The following FAM216B variants were observed in gnomAD, a reference collection of about 807,000 sequenced individuals.
FAM216B encodes the protein family with sequence similarity 216 member B, also known as protein FAM216B.
FAM216B carries 11 observed loss-of-function variants against 12.9 expected under a neutral mutation model. That is an observed-to-expected ratio of 0.86 (90% CI 0.54 to 1.42). The LOEUF is 1.42. Ranked by LOEUF, FAM216B falls within the 40% of genes most tolerant of loss-of-function variation. The pLI is 0.00. For synonymous variants in FAM216B, 52 were observed against 57.2 expected (o/e 0.91, Z 0.41); for missense variants, 167 against 162.9 (o/e 1.02, Z -0.14).
intron 3 of FAM216B, 101 bp downstream of exon 3, chr13:42,786,984 A>T: frequency 6.6e-7 from 1 of 1,523,318 alleles, no homozygotes; most frequent in Non-Finnish European, 8.9e-7. Flanking sequence ...AATGGCATCT[A>T]CTGGCGTGCT....
rs981291505 is a variant in FAM216B at position 42,791,109 on chromosome 13, A to T, written c.*2319A>T. 1.3e-5 allele frequency: 2 copies of T among 152,220 alleles called. No individual in the cohort carries two copies. The highest frequency in any genetic ancestry group is 1.3e-4 in the Admixed American group (2 of 15,276). The allele number at this position is 152,220 out of a possible 1,614,324, so 9.4% of individuals were successfully genotyped here. ...ACAAGTTGGTCTATTTTTTATTACC[A>T]CCATGAGCCAGCAATTCTAAATAAT... On this transcript the variant is annotated 3_prime_UTR_variant, in exon 4 of 4. Coordinates refer to ENST00000313851, the MANE Select transcript of FAM216B (RefSeq NM_001318932.2).
intron 2 of FAM216B, among the ~76,000 whole-genome samples, chr13:42,784,439 G>A (rs1873988333): frequency 6.6e-6 from 1 of 151,698 alleles, no homozygotes; most frequent in South Asian, 2.1e-4. Context: ...TCACTAATTG[G>A]CCACACTATG....
intron 2 of FAM216B, among the ~76,000 whole-genome samples, chr13:42,784,519 T>C (rs1873992042): frequency 6.6e-6 from 1 of 151,806 alleles, no homozygotes; most frequent in Non-Finnish European, 1.5e-5. Flanking sequence ...AAATACGCTG[T>C]AAAAATTTCA....
chr13:42,786,426 C>G (rs1234576186), intron 2 of FAM216B, among the ~76,000 whole-genome samples: 1 of 152,196 alleles, frequency 6.6e-6, no homozygotes, highest in African/African-American at 2.4e-5. Flanking sequence ...TGGCATACTT[C>G]AGCTCTGTGT....
chr13:42,785,320 T>G (rs1874043854), intron 2 of FAM216B, among the ~76,000 whole-genome samples: 1 of 152,158 alleles, frequency 6.6e-6, no homozygotes, highest in Non-Finnish European at 1.5e-5. Flanking sequence ...AAACACTAAC[T>G]CACAGATTTC....
At chr13:42,785,500 T>C (rs1874050305) in intron 2 of FAM216B, among the ~76,000 whole-genome samples, 1 of 152,254 alleles carries the variant, frequency 6.6e-6, no homozygotes, top group African/African-American at 2.4e-5. Context: ...TTTTCTAAAA[T>C]GTTGATGCCA....
chr13:42,783,429 T>C (rs1873935361), intron 1 of FAM216B, among the ~76,000 whole-genome samples: 1 of 152,194 alleles, frequency 6.6e-6, no homozygotes, highest in Non-Finnish European at 1.5e-5. Flanking sequence ...AGAAGTGTTT[T>C]GAATTCCAGA....
At chr13:42,784,418 T>C (rs1004304679) in intron 2 of FAM216B, among the ~76,000 whole-genome samples, 2 of 152,002 alleles carry the variant, frequency 1.3e-5, no homozygotes, top group African/African-American at 4.8e-5. Context: ...CCACTGTCAG[T>C]GATGGGAAAC....
chr13:42,787,420 G>A (rs138365518), intron 3 of FAM216B, among the ~76,000 whole-genome samples: 9 of 152,296 alleles, frequency 5.9e-5, no homozygotes, highest in Non-Finnish European at 1.2e-4. Flanking sequence ...AGGACTTCAA[G>A]CCAGAGCTGT....
intron 2 of FAM216B, 90 bp downstream of exon 2, chr13:42,784,256 T>C (rs1035310467): frequency 3.3e-6 from 3 of 895,886 alleles, no homozygotes. Flanking sequence ...GCTGTCTTTG[T>C]TTACCTAGCA....
At chr13:42,785,604 AAT>A in intron 2 of FAM216B, among the ~76,000 whole-genome samples, 2 of 152,346 alleles carry the variant, frequency 1.3e-5, no homozygotes, top group Admixed American at 1.3e-4. Context: ...AATACATGCA[AAT>A]GCAAAATGTT....
chr13:42,786,824 C>A lies in FAM216B; in HGVS notation c.161C>A (p.Pro54His), dbSNP rs762345009. Residue 54 changes from proline to histidine, a missense_variant, in exon 3 of 4, where the codon CCC becomes CAC. Pro to His is a moderately conservative substitution (Grantham distance 77, BLOSUM62 -2). Transcript: ENST00000313851. ...YSIMRIYNSR[P>H]QWEALQTRYI... ...ATTATGAGGATTTACAACTCCAGGC[C>A]CCAGTGGGAGGCCCTGCAGACCCGC... 2 of 1,614,014 alleles carry A rather than the reference C, an allele frequency of 1.2e-6. No individual in the cohort carries two copies. Among genetic ancestry groups the A allele is most frequent in the Non-Finnish European group, 1.7e-6 (2 of 1,179,946 alleles).
At chr13:42,782,471 T>C (rs1318311410) in intron 1 of FAM216B, among the ~76,000 whole-genome samples, 3 of 152,226 alleles carry the variant, frequency 2.0e-5, no homozygotes, top group African/African-American at 7.2e-5. Flanking sequence ...TCTATTACAG[T>C]TTATTTTCTT....
intron 3 of FAM216B, 149 bp downstream of exon 3, chr13:42,787,032 G>A: frequency 8.1e-7 from 1 of 1,235,144 alleles, no homozygotes; most frequent in Non-Finnish European, 1.1e-6. Context: ...GTTTCAAAGT[G>A]CTTATTCTTG....
Position 42,784,173 on chromosome 13 carries a change from CTTTTTTT to C in FAM216B, c.99+21_99+27del, listed in dbSNP as rs71202236. On this transcript the variant is annotated splice_region_variant and intron_variant, in intron 2 of 3. Transcript: ENST00000313851. ...TGACACTTCCTTACTAAAGGTATGG[CTTTTTTT>C]TTTTTTTTTTTTTCACAGATAGAGT... The C allele has an allele frequency of 3.7e-5, 28 of 752,718 alleles. No homozygotes were observed. The highest frequency in any genetic ancestry group is 1.4e-4 in the African/African-American group (5 of 35,912). The allele number at this position is 752,718 out of a possible 1,614,324, so 46.6% of individuals were successfully genotyped here.
intron 1 of FAM216B, among the ~76,000 whole-genome samples, chr13:42,783,580 C>G (rs1029193445): frequency 3.9e-5 from 6 of 151,974 alleles, no homozygotes; most frequent in Non-Finnish European, 7.4e-5. Flanking sequence ...GGATTTGGAG[C>G]TTTTCAGATT....
chr13:42,788,261 G>A (rs1874166126), intron 3 of FAM216B, among the ~76,000 whole-genome samples: 1 of 152,086 alleles, frequency 6.6e-6, no homozygotes, highest in Non-Finnish European at 1.5e-5. Flanking sequence ...CCAGTTGGTG[G>A]TCTGCAGACT....
intron 2 of FAM216B, 112 bp downstream of exon 2, chr13:42,784,278 A>T: frequency 1.4e-6 from 1 of 731,458 alleles, no homozygotes; most frequent in African/African-American, 1.8e-5. Context: ...TAAGAAGAAT[A>T]TTGGCCGCAT....
Position 42,789,639 on chromosome 13 carries a change from TGTGTGTGTG to T in FAM216B, c.*850_*858del, listed in dbSNP as rs1874240778. On this transcript the variant is annotated 3_prime_UTR_variant, in exon 4 of 4. Coordinates refer to ENST00000313851, the MANE Select transcript of FAM216B (RefSeq NM_001318932.2). ...GTTATTTTCATCACCAGAGATTTTGTGTGTGTGTGTGTGTGTGTGTGTGTGTGTGTTAAA... is the reference window on the plus strand; with the variant it reads ...GTTATTTTCATCACCAGAGATTTTGTTGTGTGTGTGTGTGTGTGTGTTAAA... The T allele has an allele frequency of 5.6e-5, 1 of 17,776 alleles. No individual in the cohort carries two copies. The highest frequency in any genetic ancestry group is 1.2e-4 in the Non-Finnish European group (1 of 8,084). 1.1% of individuals were successfully genotyped at this position (17,776 alleles called of 1,614,324 possible). A position where few individuals can be genotyped will look rare whatever the true frequency, so the allele number is the denominator to read the frequency against.
Sources: gnomAD v4.1 joint callset for allele counts (sites outside exome capture counted in the v4.1 genomes callset) on GRCh38, gnomAD v4.1.1 for gene constraint, MANE v1.5 for transcripts, NCBI Gene and HGNC (gene_info 2026-07-23, HGNC 2026-07-21) for gene names.